Variants in SGK2 observed in about 807,000 individuals in gnomAD.
The protein encoded by SGK2 is serine/threonine-protein kinase Sgk2.
A neutral mutation model predicts 47.5 loss-of-function variants in SGK2; 36 were observed. The ratio of observed to expected loss-of-function variants is 0.76; its 90% CI spans 0.58 to 1.00. SGK2 has a LOEUF of 1.00. Ranked by LOEUF, SGK2 falls within the 50% of genes least tolerant of loss-of-function variation. The pLI, the probability that SGK2 is intolerant of heterozygous loss-of-function variation, is 0.00. For synonymous variants in SGK2, 157 were observed against 181.9 expected, an observed-to-expected ratio of 0.86 and a Z score of 1.10; for missense variants, 404 against 467.4, an observed-to-expected ratio of 0.86 and a Z score of 1.25.
intron 9 of SGK2, among the ~76,000 whole-genome samples, chr20:43,573,485 G>T (rs1430185046): frequency 8.8e-5 from 7 of 79,224 alleles, no homozygotes; most frequent in East Asian, 3.6e-4. Context: ...GCGAGACTCT[G>T]TCTCAAAAAA....
At chr20:43,563,191 T>C (rs919892129) in intron 1 of SGK2, among the ~76,000 whole-genome samples, 2 of 150,768 alleles carry the variant, frequency 1.3e-5, no homozygotes, top group African/African-American at 4.9e-5. Flanking sequence ...ACAAGTATAG[T>C]TGGTTAAACC....
rs991756735 is a variant in SGK2 at position 43,583,144 on chromosome 20, C to T, written c.940-1708C>T. The T allele has an allele frequency of 1.0e-5, 13 of 1,248,386 alleles. No individual in the cohort carries two copies. The African/African-American group carries it at 1.9e-4, about 18-fold the overall frequency. The allele number at this position is 1,248,386 out of a possible 1,614,324, so 77.3% of individuals were successfully genotyped here. On this transcript the variant is annotated intron_variant, in intron 12 of 12. Transcript: ENST00000373100. ...TTTACATTTCTCATTTGTTTAATTA[C>T]CTATTCATGAACTTGTCTTTGGGCA... is the stretch of plus-strand genomic sequence containing the variant.
chr20:43,583,756 GC>G, intron 12 of SGK2: 2 of 281,406 alleles, frequency 7.1e-6, no homozygotes, highest in Non-Finnish European at 1.1e-5. Context: ...ATTGCTTGAG[GC>G]CAGGAGTTCA....
chr20:43,567,561 T>C, intron 3 of SGK2, 104 bp from the exon 4 acceptor site: 1 of 1,049,616 alleles, frequency 9.5e-7, no homozygotes, highest in Non-Finnish European at 1.5e-6. Flanking sequence ...GAAGGCTCTC[T>C]GTATTTCCCC....
At chr20:43,578,137 G>C (rs543729822) in intron 11 of SGK2, among the ~76,000 whole-genome samples, 1 of 152,110 alleles carries the variant, frequency 6.6e-6, no homozygotes, top group Non-Finnish European at 1.5e-5. Context: ...CAAAAAGAAG[G>C]CCGCAATATT....
At chr20:43,566,607 G>A (rs1979736043) in intron 2 of SGK2, 76 bp downstream of exon 2, 2 of 1,052,404 alleles carry the variant, frequency 1.9e-6, no homozygotes, top group South Asian at 2.9e-5. Flanking sequence ...GTGGGTCCCA[G>A]ACAATGTCAG....
At chr20:43,574,068 G>C (rs1298863172) in intron 9 of SGK2, among the ~76,000 whole-genome samples, 1 of 152,064 alleles carries the variant, frequency 6.6e-6, no homozygotes, top group African/African-American at 2.4e-5. Flanking sequence ...ACATTTTTAG[G>C]ATGAAAAAAC....
intron 1 of SGK2, among the ~76,000 whole-genome samples, chr20:43,563,586 G>A (rs1979516378): frequency 6.6e-6 from 1 of 152,142 alleles, no homozygotes; most frequent in Non-Finnish European, 1.5e-5. Context: ...AGCTGAAAAG[G>A]GGTACAAAGA....
chr20:43,562,890 T>C (rs971041254), intron 1 of SGK2, among the ~76,000 whole-genome samples: 3 of 151,930 alleles, frequency 2.0e-5, no homozygotes, highest in Non-Finnish European at 2.9e-5. Flanking sequence ...CCCAACACTT[T>C]GGGAGGCCGA....
intron 9 of SGK2, among the ~76,000 whole-genome samples, chr20:43,573,489 CAA>C (rs5841511): frequency 0.02 from 2,275 of 111,282 alleles, 65 homozygotes; most frequent in African/African-American, 0.074. Flanking sequence ...GACTCTGTCT[CAA>C]AAAAAAAAAA....
chr20:43,569,632 C>G (rs370629560), intron 6 of SGK2, 116 bp downstream of exon 6: 2 of 1,228,628 alleles, frequency 1.6e-6, no homozygotes, highest in African/African-American at 3.0e-5. Context: ...TACAATAGAC[C>G]CATTTTGTAG....
chr20:43,572,260 G>T lies in SGK2; in HGVS notation c.597+123G>T, dbSNP rs1006715103. On this transcript the variant is annotated intron_variant, in intron 9 of 12. Coordinates refer to ENST00000373100, the MANE Select transcript of SGK2 (RefSeq NM_170693.3). The surrounding 1 kb of genome is among the most constrained non-coding windows in gnomAD (Gnocchi z 4.2). ...TTGACCCAAACACTTCTCCTGAGTG[G>T]GCTATACACTGAACTGTGGTTTCCT... 7.0e-6 allele frequency: 5 copies of T among 717,836 alleles called. No homozygotes were observed. The highest frequency in any genetic ancestry group is 9.7e-6 in the Non-Finnish European group (4 of 412,714). 44.5% of individuals were successfully genotyped at this position (717,836 alleles called of 1,614,324 possible).
intron 1 of SGK2, chr20:43,565,643 C>G (rs770932154): frequency 6.6e-6 from 1 of 152,216 alleles, no homozygotes; most frequent in Non-Finnish European, 1.5e-5. Context: ...TCTTGAGATG[C>G]GCGGCAACTG....
intron 1 of SGK2, chr20:43,566,100 G>T (rs1347901098): frequency 2.2e-6 from 1 of 460,600 alleles, no homozygotes; most frequent in African/African-American, 1.9e-5. Context: ...ATGGGGGATG[G>T]GTTCAGACTT....
In SGK2 at chr20:43,567,053, C is replaced by G. The variant is rs994114711; in HGVS notation, c.37-15C>G. On this transcript the variant is annotated splice_polypyrimidine_tract_variant and intron_variant, in intron 2 of 12. Coordinates refer to ENST00000373100, the MANE Select transcript of SGK2 (RefSeq NM_170693.3). ...GGAGTAGGGATCTGCTGATCATAATCACTTCTTTCTTTAGCCCTCCAGGGC... is the reference window on the plus strand; with the variant it reads ...GGAGTAGGGATCTGCTGATCATAATGACTTCTTTCTTTAGCCCTCCAGGGC... The G allele has an allele frequency of 1.4e-5, 22 of 1,612,080 alleles. No individual in the cohort carries two copies. The African/African-American group carries it at 2.9e-4, about 22-fold the overall frequency.
At position 43,571,020 on chromosome 20, in the gene SGK2, G is replaced by A; in HGVS notation, c.474-4G>A. ...TCAAGGCTGTTTTCTCTTATTTTCTGCAGGGATCTGAAACCAGAGAACATT... is the reference window on the plus strand; with the variant it reads ...TCAAGGCTGTTTTCTCTTATTTTCTACAGGGATCTGAAACCAGAGAACATT... On this transcript the variant is annotated splice_region_variant and splice_polypyrimidine_tract_variant and intron_variant, in intron 7 of 12. Coordinates refer to ENST00000373100, the MANE Select transcript of SGK2 (RefSeq NM_170693.3). 2.5e-6 allele frequency: 4 copies of A among 1,611,978 alleles called. No individual in the cohort carries two copies. Among genetic ancestry groups the A allele is most frequent in the Non-Finnish European group, 3.4e-6 (4 of 1,180,018 alleles).
chr20:43,576,130 G>T, intron 10 of SGK2, 94 bp from the exon 11 acceptor site: 1 of 1,474,586 alleles, frequency 6.8e-7, no homozygotes. Flanking sequence ...GGGTCATACT[G>T]AATCCTCCCA....
chr20:43,561,995 A>C (rs1232212778), intron 1 of SGK2, among the ~76,000 whole-genome samples: 1 of 152,160 alleles, frequency 6.6e-6, no homozygotes, highest in Non-Finnish European at 1.5e-5. Context: ...GAATGAACTC[A>C]AAGTTGCTGG....
chr20:43,584,273 GT>G (rs1345458641), intron 12 of SGK2, among the ~76,000 whole-genome samples: 1 of 152,186 alleles, frequency 6.6e-6, no homozygotes, highest in East Asian at 1.9e-4. Context: ...GTCATATTTG[GT>G]AATGTCCCAT....
Sources: allele counts gnomAD v4.1 joint callset (sites outside exome capture counted in the v4.1 genomes callset), GRCh38; gene constraint gnomAD v4.1.1; non-coding constraint Gnocchi (gnomAD v3.1); transcripts MANE v1.5; gene names NCBI Gene and HGNC (gene_info 2026-07-23, HGNC 2026-07-21).